The following ZNF717 variants were observed in gnomAD, a reference collection of about 807,000 sequenced individuals.
The protein encoded by ZNF717 is zinc finger protein 717, also known as krueppel-like factor X17.
ZNF717 carries 9 observed loss-of-function variants against 13.8 expected under a neutral mutation model. That is an observed-to-expected ratio of 0.65 (90% CI 0.39 to 1.14). The LOEUF is 1.14. Ranked by LOEUF, ZNF717 falls within the 50% of genes most tolerant of loss-of-function variation. The pLI is 0.01. For missense variants in ZNF717, 1,040 were observed against 1,080.7 expected (o/e 0.96, Z 0.53); for synonymous variants, 327 against 364.1 (o/e 0.90, Z 1.16).
At chr3:75,747,282 G>A (rs1327410662) in intron 2 of ZNF717, among the ~76,000 whole-genome samples, 5 of 152,312 alleles carry the variant, frequency 3.3e-5, no homozygotes, top group Non-Finnish European at 7.4e-5. Flanking sequence ...ATAGTTTGAA[G>A]TCTGGTAGCG....
At chr3:75,716,577 A>C (rs1938059705) in intron 4 of ZNF717, 1 of 152,196 alleles carries the variant, frequency 6.6e-6, no homozygotes, top group African/African-American at 2.4e-5. Context: ...AGGAAAAAAC[A>C]AGCTGTGAAA....
At chr3:75,696,180 G>A (rs1937600547) in intron 6 of ZNF717, among the ~76,000 whole-genome samples, 1 of 152,400 alleles carries the variant, frequency 6.6e-6, no homozygotes, top group African/African-American at 2.4e-5. Context: ...GTTACTATCA[G>A]CAATTGTGTG....
downstream of ZNF717, chr3:75,735,737 A>G (rs1939103678): frequency 6.6e-6 from 1 of 152,004 alleles, no homozygotes; most frequent in Non-Finnish European, 1.5e-5. Flanking sequence ...AAGCAAGATC[A>G]AAGAATAATA....
In ZNF717 at chr3:75,759,278, ATT is replaced by A. The variant is rs57052931; in HGVS notation, c.58-17544_58-17543del. 1.5e-3 allele frequency among the ~76,000 whole-genome samples: 184 copies of A among 121,678 alleles called. 1 individual carries two copies. The highest frequency in any genetic ancestry group is 4.9e-3 in the African/African-American group (170 of 35,008). 79.8% of individuals were successfully genotyped at this position (121,678 alleles called of 152,430 possible). A position where few individuals can be genotyped will look rare whatever the true frequency, so the allele number is the denominator to read the frequency against. ...ATATTTTAGGTGAAATGGTCATCTA[ATT>A]TTTTTTTTTTTTTGAGACGGAGTCT... is the stretch of plus-strand genomic sequence containing the variant. On this transcript the variant is annotated intron_variant, in intron 2 of 4. Coordinates refer to ENST00000652011, the MANE Select transcript of ZNF717 (RefSeq NM_001290208.3).
chr3:75,727,319 A>G (rs1482474462), downstream of ZNF717, among the ~76,000 whole-genome samples: 1 of 152,246 alleles, frequency 6.6e-6, no homozygotes, highest in East Asian at 1.9e-4. Flanking sequence ...AAAGAACAGA[A>G]TAACAGCGAT....
At chr3:75,704,475 T>C (rs1937760197) in intron 6 of ZNF717, among the ~76,000 whole-genome samples, 1 of 151,990 alleles carries the variant, frequency 6.6e-6, no homozygotes, top group Non-Finnish European at 1.5e-5. Flanking sequence ...AGAACGATTA[T>C]CCACTATTAT....
At chr3:75,773,663 T>C (rs951903165) in intron 2 of ZNF717, among the ~76,000 whole-genome samples, 2 of 152,234 alleles carry the variant, frequency 1.3e-5, no homozygotes, top group Non-Finnish European at 2.9e-5. Context: ...GAGTGGATTC[T>C]TCCTGTGGTT....
chr3:75,738,204 G>C lies in ZNF717; in HGVS notation c.1419C>G (p.His473Gln). Reference sequence around the variant, plus strand: ...TGCATTCATAGGGTTTTTCCCCTGTGTGAGTTCTCTGATGTAACCTGAGGT... The same window carrying C: ...TGCATTCATAGGGTTTTTCCCCTGTCTGAGTTCTCTGATGTAACCTGAGGT... ...KSNLRLHQRT[H>Q]TGEKPYECNE... Residue 473 changes from histidine to glutamine, a missense_variant, in exon 5 of 5, where the codon CAC (histidine) becomes CAG (glutamine). His to Gln is a conservative substitution (Grantham distance 24). Transcript: ENST00000652011. 1.3e-6 allele frequency: 2 copies of C among 1,553,378 alleles called. No individual in the cohort carries two copies. Among genetic ancestry groups the C allele is most frequent in the Non-Finnish European group, 1.7e-6 (2 of 1,144,570 alleles).
At chr3:75,720,224 T>C (rs1938142061) in intron 4 of ZNF717, among the ~76,000 whole-genome samples, 1 of 152,008 alleles carries the variant, frequency 6.6e-6, no homozygotes, top group African/African-American at 2.4e-5. Flanking sequence ...AGCAAAGACA[T>C]GGAATCAACC....
At chr3:75,745,128 C>T (rs1941005095) in intron 2 of ZNF717, among the ~76,000 whole-genome samples, 2 of 94,302 alleles carry the variant, frequency 2.1e-5, no homozygotes, top group African/African-American at 6.5e-5. Context: ...AATGTTTGTC[C>T]CTCACAACAC....
chr3:75,721,609 A>G (rs1267813434), intron 4 of ZNF717, among the ~76,000 whole-genome samples: 1 of 152,172 alleles, frequency 6.6e-6, no homozygotes, highest in Admixed American at 6.5e-5. Flanking sequence ...ATTTTAAAGA[A>G]CAATCCCTAA....
intron 2 of ZNF717, among the ~76,000 whole-genome samples, chr3:75,782,925 C>T (rs541358561): frequency 1.3e-5 from 2 of 152,364 alleles, no homozygotes; most frequent in African/African-American, 4.8e-5. Flanking sequence ...CAAGTATTTA[C>T]TGCCAGGCTG....
At chr3:75,740,099 CTTCT>C (rs139754074) in intron 4 of ZNF717, among the ~76,000 whole-genome samples, 42,988 of 150,866 alleles carry the variant, frequency 0.28, 6,214 homozygotes, top group East Asian at 0.54. Flanking sequence ...TTTCTGGTTC[CTTCT>C]GAGATCCACA....
At chr3:75,712,896 T>TA (rs1937969939) in intron 5 of ZNF717, among the ~76,000 whole-genome samples, 1 of 151,962 alleles carries the variant, frequency 6.6e-6, no homozygotes, top group Non-Finnish European at 1.5e-5. Context: ...TTCTTATACA[T>TA]TTTTTCTTAT....
rs1945108691 is a variant in ZNF717, at chr3:75,785,534, C to CA, written c.-154_-153insT. ...CAGGGACATAGAACCAAGCCCCAGGCTGGCCCAGCTACAAGACCGCCTCTG... is the reference window on the plus strand; with the variant it reads ...CAGGGACATAGAACCAAGCCCCAGGCATGGCCCAGCTACAAGACCGCCTCTG... On this transcript the variant is annotated 5_prime_UTR_variant, in exon 1 of 5. The change creates a new upstream start codon in the 5' untranslated region. Coordinates refer to ENST00000652011, the MANE Select transcript of ZNF717 (RefSeq NM_001290208.3). 1 of 152,426 alleles carries CA rather than the reference C, an allele frequency of 6.6e-6. No homozygotes were observed. Among genetic ancestry groups the CA allele is most frequent in the Admixed American group, 6.5e-5 (1 of 15,292 alleles). 9.4% of individuals were successfully genotyped at this position (152,426 alleles called of 1,614,324 possible).
intron 4 of ZNF717, among the ~76,000 whole-genome samples, chr3:75,719,431 G>A (rs1447048593): frequency 4.6e-5 from 7 of 152,262 alleles, no homozygotes; most frequent in African/African-American, 1.4e-4. Context: ...AGTGCCTTAG[G>A]CAATCTGACA....
downstream of ZNF717, among the ~76,000 whole-genome samples, chr3:75,727,903 C>T (rs1174996795): frequency 6.6e-6 from 1 of 152,238 alleles, no homozygotes; most frequent in South Asian, 2.1e-4. Flanking sequence ...TGTGATGGCA[C>T]CCCCAGAGGC....
chr3:75,709,324 A>T (rs3009073), downstream of ZNF717, among the ~76,000 whole-genome samples: 62,962 of 151,670 alleles, frequency 0.42, 13,494 homozygotes, highest in South Asian at 0.61. Flanking sequence ...AACAACCAGA[A>T]CTCACATGAA....
rs1377051991 is a variant in ZNF717, at chr3:75,765,021, A to G, written c.57+18285T>C. Reference sequence around the variant, plus strand: ...TATATATATATATATATATATATATATATATATATGTATATGTGTGTGTGT... The same window carrying G: ...TATATATATATATATATATATATATGTATATATATGTATATGTGTGTGTGT... On this transcript the variant is annotated intron_variant, in intron 2 of 4. Transcript: ENST00000652011. Among the ~76,000 whole-genome samples the G allele has an allele frequency of 3.3e-3, 121 of 36,844 alleles. 1 individual carries two copies. Among genetic ancestry groups the G allele is most frequent in the Middle Eastern group, 0.011 (1 of 88 alleles). 24.2% of individuals were successfully genotyped at this position (36,844 alleles called of 152,430 possible).
Sources: allele counts gnomAD v4.1 joint callset (sites outside exome capture counted in the v4.1 genomes callset), GRCh38; gene constraint gnomAD v4.1.1; transcripts MANE v1.5; gene names NCBI Gene and HGNC (gene_info 2026-07-23, HGNC 2026-07-21).